Variants in GALNT2 observed in about 807,000 individuals in gnomAD.
GALNT2 encodes UDP-GalNAc:polypeptide N-acetylgalactosaminyltransferase 2.
In GALNT2, 31 loss-of-function variants were observed where a neutral mutation model predicts 81.4. That is an observed-to-expected ratio of 0.38 (90% confidence interval 0.29 to 0.51). The LOEUF (loss-of-function observed/expected upper bound fraction) is 0.51, where lower values mean the gene tolerates loss of function less well. Ranked by LOEUF, GALNT2 falls within the 20% of genes least tolerant of loss-of-function variation. GALNT2 has a pLI of 0.87. For missense variants in GALNT2, 629 were observed against 765.7 expected (o/e 0.82, Z 2.11); for synonymous variants, 303 against 287.4 (o/e 1.05, Z -0.55).
chr1:230,280,243 G>T lies in GALNT2; in HGVS notation c.*785G>T, dbSNP rs2102787971. On this transcript the variant is annotated 3_prime_UTR_variant, in exon 16 of 16. Transcript: ENST00000366672. ...CCCCTGGAGCCCGATCAGCCAGTTGGTGCTACTGCTGTGGCCAGCTGGGGG... is the reference window on the plus strand; with the variant it reads ...CCCCTGGAGCCCGATCAGCCAGTTGTTGCTACTGCTGTGGCCAGCTGGGGG... 1 of 342,376 alleles carries T rather than the reference G, an allele frequency of 2.9e-6. No individual in the cohort carries two copies. The highest frequency in any genetic ancestry group is 5.8e-6 in the Non-Finnish European group (1 of 173,682). The allele number at this position is 342,376 out of a possible 1,614,324, so 21.2% of individuals were successfully genotyped here.
At chr1:230,126,127 G>A (rs1661168958) in intron 1 of GALNT2, among the ~76,000 whole-genome samples, 1 of 152,242 alleles carries the variant, frequency 6.6e-6, no homozygotes. Context: ...GAATGATGAG[G>A]TTCCCTAGAT....
intron 6 of GALNT2, among the ~76,000 whole-genome samples, chr1:230,238,029 C>T (rs1020889912): frequency 3.3e-5 from 5 of 152,178 alleles, no homozygotes; most frequent in East Asian, 3.9e-4. Flanking sequence ...TACGTTGTTT[C>T]GGGGAAGGCA....
chr1:230,203,683 A>G lies in GALNT2; in HGVS notation c.374+393A>G, dbSNP rs538777102. ...AAAATCTAAATTCCTGCTTATTGTG[A>G]CAGCTTATATTGGAAATGTTCTAAA... is the stretch of plus-strand genomic sequence containing the variant. On this transcript the variant is annotated intron_variant, in intron 3 of 15. Transcript: ENST00000366672. Among the ~76,000 whole-genome samples, 10 of 152,318 alleles carry G rather than the reference A, an allele frequency of 6.6e-5. No homozygotes were observed. In the East Asian group the frequency reaches 1.9e-3, roughly 29 times the overall value.
intron 1 of GALNT2, among the ~76,000 whole-genome samples, chr1:230,121,605 C>G (rs1430308248): frequency 6.6e-6 from 1 of 152,180 alleles, no homozygotes; most frequent in East Asian, 1.9e-4. Flanking sequence ...TTTCACAAGG[C>G]TTTGTTTTTG....
intron 2 of GALNT2, among the ~76,000 whole-genome samples, chr1:230,185,246 T>C (rs1161885504): frequency 1.3e-5 from 2 of 151,810 alleles, no homozygotes; most frequent in Non-Finnish European, 2.9e-5. Context: ...TGATACTTGC[T>C]GTGTCTCTTT....
chr1:230,233,483 G>A (rs1385157984), intron 3 of GALNT2, among the ~76,000 whole-genome samples: 2 of 152,072 alleles, frequency 1.3e-5, no homozygotes, highest in African/African-American at 4.8e-5. Flanking sequence ...CATGGTGATG[G>A]GCACCTGTAG....
chr1:230,098,659 G>A (rs553518877), intron 1 of GALNT2, among the ~76,000 whole-genome samples: 65 of 152,158 alleles, frequency 4.3e-4, no homozygotes, highest in African/African-American at 1.3e-3. Flanking sequence ...GGGATACGTA[G>A]GACAATTGAA....
chr1:230,146,516 C>T (rs1405229222), intron 1 of GALNT2, among the ~76,000 whole-genome samples: 2 of 152,194 alleles, frequency 1.3e-5, no homozygotes, highest in African/African-American at 2.4e-5. Flanking sequence ...CTCAGAAAAG[C>T]CTGCTTGGGA....
chr1:230,195,005 CTCTG>C (rs1371165064), intron 2 of GALNT2, among the ~76,000 whole-genome samples: 2 of 152,232 alleles, frequency 1.3e-5, no homozygotes, highest in African/African-American at 4.8e-5. Flanking sequence ...CCTCCATCTT[CTCTG>C]TCCAGACTTG....
intron 3 of GALNT2, among the ~76,000 whole-genome samples, chr1:230,235,716 A>G (rs1427128549): frequency 6.6e-6 from 1 of 152,192 alleles, no homozygotes; most frequent in Non-Finnish European, 1.5e-5. Context: ...GCTTGAGAGT[A>G]GAAATGGGAT....
At chr1:230,163,000 C>G (rs1662482920) in intron 1 of GALNT2, among the ~76,000 whole-genome samples, 1 of 152,178 alleles carries the variant, frequency 6.6e-6, no homozygotes, top group Non-Finnish European at 1.5e-5. Flanking sequence ...TATGCCTTTT[C>G]TCTAATTAAT....
rs369549545 is a variant in GALNT2, at chr1:230,249,787, G to T, written c.905+516G>T. 1.1e-4 allele frequency among the ~76,000 whole-genome samples: 17 copies of T among 152,378 alleles called. No homozygotes were observed. In the East Asian group the frequency reaches 1.3e-3, roughly 12 times the overall value. ...GCCACCTCTTCCAAGTTGGCACACGGTTAAGTGAGATAGCATTCACAGAGT... is the reference window on the plus strand; with the variant it reads ...GCCACCTCTTCCAAGTTGGCACACGTTTAAGTGAGATAGCATTCACAGAGT... On this transcript the variant is annotated intron_variant, in intron 9 of 15. Coordinates refer to ENST00000366672, the MANE Select transcript of GALNT2 (RefSeq NM_004481.5).
chr1:230,106,926 A>G (rs1660561442), intron 1 of GALNT2, among the ~76,000 whole-genome samples: 1 of 152,230 alleles, frequency 6.6e-6, no homozygotes, highest in Admixed American at 6.5e-5. Context: ...CCATATTTTC[A>G]GTGATAAGGC....
At chr1:230,151,198 A>G (rs1662083942) in intron 1 of GALNT2, among the ~76,000 whole-genome samples, 1 of 151,998 alleles carries the variant, frequency 6.6e-6, no homozygotes, top group Non-Finnish European at 1.5e-5. Context: ...TTTTCCCTCC[A>G]TTCCCCTGCA....
chr1:230,178,783 A>G (rs1663068306), intron 2 of GALNT2, among the ~76,000 whole-genome samples: 1 of 151,908 alleles, frequency 6.6e-6, no homozygotes, highest in Non-Finnish European at 1.5e-5. Context: ...CATCACCCGA[A>G]GTCTGTAGTT....
intron 1 of GALNT2, among the ~76,000 whole-genome samples, chr1:230,096,267 G>T (rs1241481265): frequency 6.6e-6 from 1 of 152,232 alleles, no homozygotes; most frequent in African/African-American, 2.4e-5. Flanking sequence ...CTGAACCAAA[G>T]ATATTAATTA....
chr1:230,109,515 G>A (rs1163341612), intron 1 of GALNT2, among the ~76,000 whole-genome samples: 1 of 152,202 alleles, frequency 6.6e-6, no homozygotes, highest in Non-Finnish European at 1.5e-5. Flanking sequence ...ATGGCTGCAG[G>A]GTAGGAGTAG....
At chr1:230,081,490 T>C (rs1189439731) in intron 1 of GALNT2, among the ~76,000 whole-genome samples, 2 of 12,732 alleles carry the variant, frequency 1.6e-4, no homozygotes, top group Non-Finnish European at 2.4e-4. Context: ...GAATATAGCG[T>C]GTTAATTTGA....
chr1:230,140,213 G>GT (rs1315624906), intron 1 of GALNT2, among the ~76,000 whole-genome samples: 6 of 152,354 alleles, frequency 3.9e-5, no homozygotes, highest in Admixed American at 1.3e-4. Context: ...CAAGGCTTGG[G>GT]TTTAGGGGAT....
Sources: gnomAD v4.1 joint callset for allele counts (sites outside exome capture counted in the v4.1 genomes callset) on GRCh38, gnomAD v4.1.1 for gene constraint, MANE v1.5 for transcripts, NCBI Gene and HGNC (gene_info 2026-07-23, HGNC 2026-07-21) for gene names.